ZBBX: variants seen among roughly 807,000 people sequenced by gnomAD.
ZBBX encodes the protein zinc finger B-box domain-containing protein 1.
ZBBX carries 101 observed loss-of-function variants against 108.5 expected under a neutral mutation model. That is an observed-to-expected ratio of 0.93 (90% CI 0.79 to 1.10). ZBBX has a LOEUF of 1.10. ZBBX is among the 50% of genes least tolerant of loss of function. The pLI, the probability that ZBBX is intolerant of heterozygous loss-of-function variation, is 0.00. For synonymous variants in ZBBX, 356 were observed against 323.4 expected (o/e 1.10, Z -1.08); for missense variants, 1,009 against 941.4 (o/e 1.07, Z -0.94).
At chr3:167,330,251 C>T (rs956787819) in intron 10 of ZBBX, among the ~76,000 whole-genome samples, 2 of 152,070 alleles carry the variant, frequency 1.3e-5, no homozygotes, top group East Asian at 3.9e-4. Flanking sequence ...AACATATTAA[C>T]GTTTGTGTAA....
chr3:167,381,538 G>A (rs1328584523), upstream of ZBBX, among the ~76,000 whole-genome samples: 1 of 152,118 alleles, frequency 6.6e-6, no homozygotes, highest in Non-Finnish European at 1.5e-5. Context: ...ACGTGTTCAT[G>A]GTATAACTTT....
intron 18 of ZBBX, among the ~76,000 whole-genome samples, chr3:167,290,391 G>T (rs150554742): frequency 6.6e-6 from 1 of 152,168 alleles, no homozygotes; most frequent in African/African-American, 2.4e-5. Context: ...TGCAGCCTCC[G>T]CTGGTGATAC....
chr3:167,382,203 GCA>G (rs1222209835), upstream of ZBBX, among the ~76,000 whole-genome samples: 3 of 152,126 alleles, frequency 2.0e-5, no homozygotes, highest in Non-Finnish European at 4.4e-5. Context: ...AATAGCTTAT[GCA>G]CAGTTATGAA....
rs746040493 is a variant in ZBBX at position 167,305,645 on chromosome 3, G to A, written c.1723C>T (p.Leu575=). ...FEESKTTKSS[L]LLQEIACRSK... ...TAATAAACATAATAGAGATTTACCA[G>A]TGATGACTTTGTAGTTTTTGATTCT... Residue 575 remains leucine, a splice_region_variant and synonymous_variant, in exon 17 of 22, where the codon CTG becomes TTG. Transcript: ENST00000675490. 1.9e-6 allele frequency: 3 copies of A among 1,542,828 alleles called. No individual in the cohort carries two copies. The highest frequency in any genetic ancestry group is 4.3e-5 in the Admixed American group (2 of 46,836).
intron 9 of ZBBX, among the ~76,000 whole-genome samples, chr3:167,335,866 A>G (rs1014673863): frequency 7.9e-5 from 12 of 151,930 alleles, no homozygotes; most frequent in East Asian, 3.9e-4. Context: ...AATTTTCCCA[A>G]TGATTCTCAG....
the ZBBX span, among the ~76,000 whole-genome samples, chr3:167,216,339 A>G: frequency 6.6e-6 from 1 of 152,300 alleles, no homozygotes; most frequent in Non-Finnish European, 1.5e-5. Context: ...ACCGACAACC[A>G]AACTGAGAGC....
At chr3:167,321,483 G>A (rs765606825) in intron 12 of ZBBX, among the ~76,000 whole-genome samples, 7 of 151,950 alleles carry the variant, frequency 4.6e-5, no homozygotes, top group African/African-American at 1.7e-4. Context: ...AGGGTGTGAT[G>A]ACCACTTCTC....
chr3:167,331,440 C>T (rs1738617393), intron 10 of ZBBX: 1 of 415,226 alleles, frequency 2.4e-6, no homozygotes, highest in African/African-American at 2.2e-5. Flanking sequence ...ATTGAAAACT[C>T]AGTGGCTTAA....
chr3:167,394,440 G>T (rs980231045), intron 1 of ZBBX, among the ~76,000 whole-genome samples: 3 of 151,904 alleles, frequency 2.0e-5, no homozygotes, highest in African/African-American at 7.2e-5. Flanking sequence ...TAATAATCTT[G>T]ACAAAGAATA....
At chr3:167,293,978 C>T (rs1731174216) in intron 18 of ZBBX, among the ~76,000 whole-genome samples, 1 of 152,106 alleles carries the variant, frequency 6.6e-6, no homozygotes, top group South Asian at 2.1e-4. Context: ...CCTAGGAATA[C>T]AAGTTACAAG....
At chr3:167,195,389 G>T in the ZBBX span, among the ~76,000 whole-genome samples, 65 of 152,006 alleles carry the variant, frequency 4.3e-4, 1 homozygote, top group Admixed American at 4.6e-4. Flanking sequence ...TCTTATTATA[G>T]AATAAAATAA....
chr3:167,282,413 A>C lies in ZBBX; in HGVS notation c.2079T>G (p.Ser693=), dbSNP rs762472355. The stretch of plus-strand genomic sequence containing the variant: ...CAGCTGCACTTCTTGATCGAGGATG[A>C]GAGGATGAAAGGCAACTGGAGCTTT... ...VKESSSCLSS[S]HPRSRSAAAQ... Residue 693 remains serine, a synonymous_variant, in exon 20 of 22, where the codon TCT becomes TCG. Transcript: ENST00000675490. 4 of 1,614,140 alleles carry C rather than the reference A, an allele frequency of 2.5e-6. No homozygotes were observed. The highest frequency in any genetic ancestry group is 2.5e-6 in the Non-Finnish European group (3 of 1,179,996).
intron 20 of ZBBX, among the ~76,000 whole-genome samples, chr3:167,280,549 A>G (rs368667990): frequency 2.0e-5 from 3 of 150,670 alleles, no homozygotes; most frequent in East Asian, 1.9e-4. Context: ...CAAAACCACA[A>G]TGAGATACCA....
the ZBBX span, among the ~76,000 whole-genome samples, chr3:167,211,550 G>A: frequency 6.6e-6 from 1 of 152,184 alleles, no homozygotes; most frequent in East Asian, 1.9e-4. Context: ...GCTAGCAGTA[G>A]CGGCATTGCA....
At chr3:167,281,208 C>CAG (rs1728756996) in intron 20 of ZBBX, among the ~76,000 whole-genome samples, 1 of 152,002 alleles carries the variant, frequency 6.6e-6, no homozygotes, top group Non-Finnish European at 1.5e-5. Flanking sequence ...GCAGAGGTAC[C>CAG]AGCATGGCAC....
chr3:167,380,535 C>T (rs1448682975), upstream of ZBBX: 2 of 152,166 alleles, frequency 1.3e-5, no homozygotes, highest in Non-Finnish European at 2.9e-5. Context: ...GTGTCATATT[C>T]CAAGCACAAG....
intron 20 of ZBBX, among the ~76,000 whole-genome samples, chr3:167,278,548 A>G (rs1180411432): frequency 2.1e-5 from 3 of 145,794 alleles, no homozygotes. Context: ...AGACTAAACC[A>G]GGAAGAAGTT....
chr3:167,306,431 C>A (rs1312374194), intron 16 of ZBBX, among the ~76,000 whole-genome samples: 3 of 152,290 alleles, frequency 2.0e-5, no homozygotes, highest in African/African-American at 7.2e-5. Context: ...AAATGTGTAG[C>A]AGGGACACCT....
chr3:167,348,364 GAA>G (rs1560163648), intron 9 of ZBBX, among the ~76,000 whole-genome samples: 1 of 129,618 alleles, frequency 7.7e-6, no homozygotes, highest in African/African-American at 2.9e-5. Context: ...AAGAAAGAAA[GAA>G]AGAAAAAAAA....
Sources: allele counts gnomAD v4.1 joint callset (sites outside exome capture counted in the v4.1 genomes callset), GRCh38; gene constraint gnomAD v4.1.1; transcripts MANE v1.5; gene names NCBI Gene and HGNC (gene_info 2026-07-23, HGNC 2026-07-21).